IL1RAPL2: variants seen among roughly 807,000 people sequenced by gnomAD.
IL1RAPL2 encodes the protein X-linked interleukin-1 receptor accessory protein-like 2.
A neutral mutation model predicts 44.1 loss-of-function variants in IL1RAPL2; 3 were observed. The observed-to-expected ratio is 0.07, with a 90% CI of 0.03 to 0.18. The LOEUF (loss-of-function observed/expected upper bound fraction) is 0.18. Ranked by LOEUF, IL1RAPL2 falls within the 10% of genes least tolerant of loss-of-function variation. IL1RAPL2 has a pLI of 1.00. For missense variants in IL1RAPL2, 391 were observed against 496.4 expected, an observed-to-expected ratio of 0.79 and a Z score of 2.02; for synonymous variants, 181 against 178.8, an observed-to-expected ratio of 1.01 and a Z score of -0.10.
In IL1RAPL2 at chrX:104,689,999, C is replaced by T. The variant is rs17285381; in HGVS notation, c.82+31004C>T. 4.8e-3 allele frequency among the ~76,000 whole-genome samples: 540 copies of T among 111,800 alleles called. 1 individual carries two copies. Among genetic ancestry groups the T allele is most frequent in the Non-Finnish European group, 8.6e-3 (457 of 53,136 alleles). ...TGAGAATAAATTTGCATTTGTGTGG[C>T]GCAATTGGTTGGTATGCTTGGCTCC... On this transcript the variant is annotated intron_variant, in intron 2 of 10. Coordinates refer to ENST00000372582, the MANE Select transcript of IL1RAPL2 (RefSeq NM_017416.2).
chrX:105,009,364 G>T (rs2031003820), intron 2 of IL1RAPL2, among the ~76,000 whole-genome samples: 2 of 109,807 alleles, frequency 1.8e-5, no homozygotes, highest in South Asian at 7.9e-4. Context: ...GTCCAACAAT[G>T]ATAGACTGGA....
intron 1 of IL1RAPL2, among the ~76,000 whole-genome samples, chrX:104,579,466 C>G (rs764513126): frequency 1.5e-4 from 17 of 111,695 alleles, no homozygotes; most frequent in Non-Finnish European, 2.6e-4. Context: ...GACCTGGAGG[C>G]CATTATCCTA....
intron 2 of IL1RAPL2, among the ~76,000 whole-genome samples, chrX:104,864,019 C>G (rs1279813623): frequency 8.9e-6 from 1 of 111,802 alleles, no homozygotes; most frequent in Non-Finnish European, 1.9e-5. Context: ...TTTAGGGTCC[C>G]TAAAGGCTCC....
At chrX:104,659,080 A>T in intron 2 of IL1RAPL2, 85 bp downstream of exon 2, 3 of 578,657 alleles carry the variant, frequency 5.2e-6, no homozygotes, top group Non-Finnish European at 8.7e-6. Context: ...TTTAACTATG[A>T]ATGTCTTTAA....
chrX:105,381,507 T>G (rs2035430125), intron 5 of IL1RAPL2, among the ~76,000 whole-genome samples: 1 of 111,900 alleles, frequency 8.9e-6, no homozygotes, highest in African/African-American at 3.2e-5. Context: ...GAGGGCACTA[T>G]GCAGAAGCTG....
intron 8 of IL1RAPL2, among the ~76,000 whole-genome samples, chrX:105,741,357 T>A (rs956938901): frequency 1.7e-4 from 19 of 111,965 alleles, no homozygotes; most frequent in African/African-American, 5.2e-4. Context: ...TAGAGTAGCT[T>A]CTGAATTGGC....
At chrX:105,761,793 G>T (rs2038690272) in intron 10 of IL1RAPL2, among the ~76,000 whole-genome samples, 1 of 111,890 alleles carries the variant, frequency 8.9e-6, no homozygotes, top group African/African-American at 3.2e-5. Flanking sequence ...TTATGCTTTT[G>T]TTTACAGGCT....
At chrX:104,848,413 A>C (rs1377136226) in intron 2 of IL1RAPL2, among the ~76,000 whole-genome samples, 1 of 7,980 alleles carries the variant, frequency 1.3e-4, no homozygotes, top group Non-Finnish European at 3.4e-4. Flanking sequence ...TTATCTGTAT[A>C]TATATATATA....
chrX:105,136,172 G>A (rs1024182788), intron 2 of IL1RAPL2, among the ~76,000 whole-genome samples: 1 of 111,878 alleles, frequency 8.9e-6, no homozygotes, highest in Non-Finnish European at 1.9e-5. Context: ...ACTTGAATAT[G>A]CGTCTAGGTT....
chrX:105,741,826 A>G (rs1328889403), intron 8 of IL1RAPL2, among the ~76,000 whole-genome samples: 1 of 111,629 alleles, frequency 9.0e-6, no homozygotes, highest in Non-Finnish European at 1.9e-5. Context: ...TAGTTTTCTT[A>G]TCTTTAAAAT....
At chrX:105,276,742 C>A (rs1744975460) in intron 5 of IL1RAPL2, among the ~76,000 whole-genome samples, 1 of 112,169 alleles carries the variant, frequency 8.9e-6, no homozygotes, top group Non-Finnish European at 1.9e-5. Context: ...AGATTTGGTT[C>A]AGTAGGACTT....
Position 105,388,356 on chromosome X carries a change from A to ATT in IL1RAPL2, c.698-95929_698-95928dup, listed in dbSNP as rs772573698. ...CAAACCAAATATTTTACCAAAGCAG[A>ATT]TTTTTTTTTTTTTTTTTTTTTTTTT... On this transcript the variant is annotated intron_variant, in intron 5 of 10. Transcript: ENST00000372582. Among the ~76,000 whole-genome samples the ATT allele has an allele frequency of 5.4e-3, 330 of 61,240 alleles. 33 individuals carry two copies. The highest frequency in any genetic ancestry group is 0.03 in the African/African-American group (290 of 9,684). 53.2% of individuals were successfully genotyped at this position (61,240 alleles called of 115,157 possible).
At chrX:104,694,996 T>C (rs1304525585) in intron 2 of IL1RAPL2, among the ~76,000 whole-genome samples, 1 of 112,377 alleles carries the variant, frequency 8.9e-6, no homozygotes, top group Non-Finnish European at 1.9e-5. Context: ...AAACTGATAA[T>C]GTCCAGCCTC....
At chrX:105,582,871 T>C (rs1354979163) in intron 6 of IL1RAPL2, among the ~76,000 whole-genome samples, 1 of 111,139 alleles carries the variant, frequency 9.0e-6, no homozygotes, top group Non-Finnish European at 1.9e-5. Flanking sequence ...TAATACACTT[T>C]TAATTCATTT....
At chrX:104,616,365 G>A (rs1282077895) in intron 1 of IL1RAPL2, among the ~76,000 whole-genome samples, 1 of 112,146 alleles carries the variant, frequency 8.9e-6, no homozygotes, top group Non-Finnish European at 1.9e-5. Context: ...CATGGGTATA[G>A]GCTGAATTAA....
At position 104,646,331 on chromosome X, in the gene IL1RAPL2, C is replaced by CAA. The variant is rs572432274; in HGVS notation, c.-19-12550_-19-12549dup. 6.9e-3 allele frequency among the ~76,000 whole-genome samples: 475 copies of CAA among 68,941 alleles called. 4 individuals carry two copies. The highest frequency in any genetic ancestry group is 0.018 in the African/African-American group (400 of 22,596). 59.9% of individuals were successfully genotyped at this position (68,941 alleles called of 115,157 possible). ...GTTCTAGTCAATGGTGCTGGGGATG[C>CAA]AAAAAAAAAAAAAAAGCATAGCCTC... On this transcript the variant is annotated intron_variant, in intron 1 of 10. Coordinates refer to ENST00000372582, the MANE Select transcript of IL1RAPL2 (RefSeq NM_017416.2).
chrX:105,045,805 C>T (rs1178826410), intron 2 of IL1RAPL2, among the ~76,000 whole-genome samples: 3 of 111,225 alleles, frequency 2.7e-5, no homozygotes, highest in Admixed American at 9.6e-5. Context: ...TCAAGAAATC[C>T]TCCTGCCTCA....
chrX:105,511,220 C>T (rs773691599), intron 6 of IL1RAPL2, among the ~76,000 whole-genome samples: 1 of 111,629 alleles, frequency 9.0e-6, no homozygotes, highest in Admixed American at 9.6e-5. Flanking sequence ...TCTTATGATT[C>T]GAGAAAAGGT....
intron 2 of IL1RAPL2, among the ~76,000 whole-genome samples, chrX:105,022,935 T>C (rs1195907810): frequency 4.5e-5 from 5 of 110,850 alleles, no homozygotes; most frequent in African/African-American, 1.3e-4. Flanking sequence ...TTGGTACTTC[T>C]TGATAGCAGC....
Sources: gnomAD v4.1 joint callset for allele counts (sites outside exome capture counted in the v4.1 genomes callset) on GRCh38, gnomAD v4.1.1 for gene constraint, MANE v1.5 for transcripts, NCBI Gene and HGNC (gene_info 2026-07-23, HGNC 2026-07-21) for gene names.